Variants in MOK observed in about 807,000 individuals in gnomAD.
MOK encodes MOK protein kinase, also known as MAPK/MAK/MRK overlapping kinase.
MOK carries 59 observed loss-of-function variants against 54.2 expected under a neutral mutation model. The ratio of observed to expected loss-of-function variants is 1.09; its 90% CI spans 0.88 to 1.35. The LOEUF is 1.35. MOK is among the 40% of genes most tolerant of loss of function. The pLI is 0.00. For synonymous variants in MOK, 210 were observed against 202.7 expected, an observed-to-expected ratio of 1.04 and a Z score of -0.31; for missense variants, 517 against 526.2, an observed-to-expected ratio of 0.98 and a Z score of 0.17.
chr14:102,251,379 G>C, intron 6 of MOK: 1 of 391,554 alleles, frequency 2.6e-6, no homozygotes, highest in African/African-American at 2.1e-5. Flanking sequence ...AGTGACAGGT[G>C]CTGGGAAACA....
chr14:102,232,751 T>G lies in MOK; in HGVS notation c.693-43A>C, dbSNP rs757808586. ...TGATAATAAATGGTCATGCTGTCAC[T>G]GAGCGCACCGGTGGTCCACTGTCAC... On this transcript the variant is annotated intron_variant, in intron 8 of 11. Coordinates refer to ENST00000361847, the MANE Select transcript of MOK (RefSeq NM_014226.3). The surrounding 1 kb of genome is among the most constrained non-coding windows in gnomAD (Gnocchi z 5.1). The G allele has an allele frequency of 2.6e-6, 4 of 1,562,028 alleles. No individual in the cohort carries two copies. The highest frequency in any genetic ancestry group is 3.5e-6 in the Non-Finnish European group (4 of 1,142,088).
chr14:102,276,079 T>G (rs2068836176), intron 2 of MOK, among the ~76,000 whole-genome samples: 3 of 152,192 alleles, frequency 2.0e-5, no homozygotes, highest in East Asian at 1.9e-4. Flanking sequence ...AAAACTACCA[T>G]GAGATAATTC....
chr14:102,287,824 T>TAAACAGAGTTACCATATGACCCAGCAA (rs1567232087), intron 1 of MOK, among the ~76,000 whole-genome samples: 1 of 146,838 alleles, frequency 6.8e-6, no homozygotes, highest in Admixed American at 6.8e-5. Context: ...TTTGAGATTT[T>TAAACAGAGTTACCATATGACCCAGCAA]TTTTTTTTTT....
At chr14:102,266,590 T>C (rs1261236819) in intron 2 of MOK, among the ~76,000 whole-genome samples, 1 of 152,112 alleles carries the variant, frequency 6.6e-6, no homozygotes, top group African/African-American at 2.4e-5. Flanking sequence ...TTTTGATTTT[T>C]TGTTTTTTTG....
At chr14:102,294,798 T>C (rs2071255417) in intron 1 of MOK, among the ~76,000 whole-genome samples, 1 of 152,174 alleles carries the variant, frequency 6.6e-6, no homozygotes, top group Non-Finnish European at 1.5e-5. Context: ...AACTGTGAAC[T>C]GTAAAGTGGT....
the MOK span, among the ~76,000 whole-genome samples, chr14:102,217,639 C>T: frequency 1.4e-4 from 22 of 152,334 alleles, no homozygotes; most frequent in Middle Eastern, 3.4e-3. Flanking sequence ...CTGTGGCTCA[C>T]GTGCCGCTTG....
At chr14:102,281,232 G>A (rs2069390066) in intron 2 of MOK, among the ~76,000 whole-genome samples, 1 of 151,898 alleles carries the variant, frequency 6.6e-6, no homozygotes, top group African/African-American at 2.4e-5. Flanking sequence ...GCTGAGGCAG[G>A]AGAATTGCTT....
intron 3 of MOK, 164 bp from the exon 4 acceptor site, chr14:102,263,780 G>A: frequency 2.3e-6 from 1 of 438,988 alleles, no homozygotes; most frequent in Middle Eastern, 6.0e-4. Flanking sequence ...TTTTAAATCA[G>A]TATTTCAGAT....
intron 2 of MOK, among the ~76,000 whole-genome samples, chr14:102,278,045 G>A (rs1406217908): frequency 6.6e-6 from 1 of 151,956 alleles, no homozygotes; most frequent in South Asian, 2.1e-4. Flanking sequence ...GAGAACATGC[G>A]ACCTCTCTCT....
chr14:102,254,559 T>C (rs10145478), intron 4 of MOK, among the ~76,000 whole-genome samples: 43,918 of 151,934 alleles, frequency 0.29, 7,805 homozygotes, highest in African/African-American at 0.51. Context: ...GTCTCACTGC[T>C]CCCGACTTAC....
chr14:102,247,894 C>T (rs1356202601), intron 7 of MOK, among the ~76,000 whole-genome samples: 1 of 152,218 alleles, frequency 6.6e-6, no homozygotes, highest in African/African-American at 2.4e-5. Context: ...ATGGCTAATG[C>T]CCCTCTTAGG....
At position 102,236,128 on chromosome 14, in the gene MOK, C is replaced by T. The variant is rs1045081465; in HGVS notation, c.591-2339G>A. On this transcript the variant is annotated intron_variant, in intron 7 of 11. Coordinates refer to ENST00000361847, the MANE Select transcript of MOK (RefSeq NM_014226.3). The surrounding 1 kb of genome is among the most constrained non-coding windows in gnomAD (Gnocchi z 4.5). ...TCCGACTGTCCTCTCAACAGACAGA[C>T]AAGCCTGCTCCTCAGAGCCACCACC... 6.6e-6 allele frequency among the ~76,000 whole-genome samples: 1 copy of T among 152,196 alleles called. No individual in the cohort carries two copies. Among genetic ancestry groups the T allele is most frequent in the Non-Finnish European group, 1.5e-5 (1 of 68,034 alleles).
intron 1 of MOK, among the ~76,000 whole-genome samples, chr14:102,300,488 G>A (rs981575862): frequency 1.3e-5 from 2 of 151,872 alleles, no homozygotes; most frequent in Non-Finnish European, 2.9e-5. Context: ...GATGGAGGCT[G>A]TCGTGAGCTG....
At chr14:102,222,790 C>T (rs765415798), downstream of MOK, 44 of 1,613,126 alleles carry the variant, frequency 2.7e-5, no homozygotes, top group African/African-American at 5.3e-5. The surrounding 1 kb of genome is among the most constrained non-coding windows in gnomAD (Gnocchi z 4.4). Context: ...GTTGCCCGTC[C>T]GGTGTTTTGC....
chr14:102,268,911 T>C (rs763586825), intron 2 of MOK, among the ~76,000 whole-genome samples: 1 of 132,070 alleles, frequency 7.6e-6, no homozygotes, highest in Non-Finnish European at 1.6e-5. Flanking sequence ...TGAGACTCCG[T>C]CTCAAAAAAA....
Position 102,238,833 on chromosome 14 carries a change from G to C in MOK, c.591-5044C>G, listed in dbSNP as rs948065204. On this transcript the variant is annotated intron_variant, in intron 7 of 11. Coordinates refer to ENST00000361847, the MANE Select transcript of MOK (RefSeq NM_014226.3). This position sits in a 1 kb window ranked among gnomAD's most constrained non-coding sequence, Gnocchi z 4.8. ...TCACTAAAAAGTATAACTTCAAAAT[G>C]TCATATATGCTCTGTCACCTCCTCT... is the stretch of plus-strand genomic sequence containing the variant. Among the ~76,000 whole-genome samples the C allele has an allele frequency of 6.6e-6, 1 of 151,978 alleles. No homozygotes were observed. Among genetic ancestry groups the C allele is most frequent in the Non-Finnish European group, 1.5e-5 (1 of 68,006 alleles).
chr14:102,275,008 G>A (rs936243252), intron 2 of MOK, among the ~76,000 whole-genome samples: 4 of 151,470 alleles, frequency 2.6e-5, no homozygotes, highest in African/African-American at 9.7e-5. Flanking sequence ...AAGACTTTTA[G>A]TATCTGACTT....
chr14:102,291,730 G>T (rs557805428), intron 1 of MOK, among the ~76,000 whole-genome samples: 1 of 152,206 alleles, frequency 6.6e-6, no homozygotes, highest in East Asian at 1.9e-4. Flanking sequence ...GCCAAGGTGG[G>T]CAGATCACCT....
In MOK at chr14:102,238,893, A is replaced by T. The variant is rs1281025951; in HGVS notation, c.591-5104T>A. On this transcript the variant is annotated intron_variant, in intron 7 of 11. Coordinates refer to ENST00000361847, the MANE Select transcript of MOK (RefSeq NM_014226.3). This position sits in a 1 kb window ranked among gnomAD's most constrained non-coding sequence, Gnocchi z 4.8. ...CTCCATTCCCCATCTATTCCTACAC[A>T]CCAGCTAAGAGGAACACTCCCAGGG... Among the ~76,000 whole-genome samples the T allele has an allele frequency of 2.0e-5, 3 of 151,992 alleles. No homozygotes were observed. Among genetic ancestry groups the T allele is most frequent in the African/African-American group, 7.3e-5 (3 of 41,364 alleles).
Sources: allele counts gnomAD v4.1 joint callset (sites outside exome capture counted in the v4.1 genomes callset), GRCh38; gene constraint gnomAD v4.1.1; non-coding constraint Gnocchi (gnomAD v3.1); transcripts MANE v1.5; gene names NCBI Gene and HGNC (gene_info 2026-07-23, HGNC 2026-07-21).